Variants in DNAH5 observed in about 807,000 individuals in gnomAD.
DNAH5 encodes the protein axonemal beta dynein heavy chain 5.
A neutral mutation model predicts 518.2 loss-of-function variants in DNAH5; 372 were observed. The observed-to-expected ratio is 0.72, with a 90% CI of 0.66 to 0.78. DNAH5 has a LOEUF of 0.78. Among genes scored for constraint, DNAH5 ranks in the 30% least tolerant of loss-of-function variants. DNAH5 has a pLI of 0.00. For synonymous variants in DNAH5, 2,039 were observed against 2,025.9 expected (o/e 1.01, Z -0.17); for missense variants, 5,523 against 5,687.0 (o/e 0.97, Z 0.93).
intron 1 of DNAH5, among the ~76,000 whole-genome samples, chr5:13,992,532 G>T (rs1474074883): frequency 6.6e-6 from 1 of 152,148 alleles, no homozygotes; most frequent in Non-Finnish European, 1.5e-5. Context: ...GATGTGCTAG[G>T]CCCTGTTTTA....
At chr5:13,718,757 C>T in intron 72 of DNAH5, 125 bp downstream of exon 72, 2 of 794,844 alleles carry the variant, frequency 2.5e-6, no homozygotes, top group East Asian at 5.3e-5. Flanking sequence ...CCATCACCTC[C>T]CCATCAGGTT....
At position 13,753,383 on chromosome 5, in the gene DNAH5, A is replaced by T; in HGVS notation, c.10722T>A (p.Ser3574Arg). ...TTGGCAGACCTTGGAGGTTCCATTC[A>T]CTAATAGTAGGAGCATCAATCAACA... ...SEMLIDAPTI[S>R]EWNLQGLPND... is the part of the protein sequence containing the mutation. The change falls in exon 63 of 79, where the codon AGT becomes AGA. Residue 3574 changes from serine (S) to arginine (R), a missense_variant. Physicochemically the swap from Ser to Arg is moderately radical, Grantham distance 110. Transcript: ENST00000265104. The T allele has an allele frequency of 6.2e-7, 1 of 1,614,104 alleles. No individual in the cohort carries two copies. The highest frequency in any genetic ancestry group is 8.5e-7 in the Non-Finnish European group (1 of 1,179,980).
intron 1 of DNAH5, among the ~76,000 whole-genome samples, chr5:13,966,299 T>C (rs1163088849): frequency 1.3e-5 from 2 of 152,202 alleles, no homozygotes; most frequent in African/African-American, 2.4e-5. Flanking sequence ...TTTTTGCAAT[T>C]GTGAATTGTA....
intron 55 of DNAH5, among the ~76,000 whole-genome samples, chr5:13,772,775 A>AC (rs60499013): frequency 0.77 from 116,838 of 152,058 alleles, 45,083 homozygotes; most frequent in African/African-American, 0.82. Context: ...ATAATGTAAT[A>AC]TTTTATTTTA....
chr5:13,817,772 G>A lies in DNAH5; in HGVS notation c.6842-78C>T, dbSNP rs6889720. 0.38 allele frequency: 547,079 copies of A among 1,426,432 alleles called. 105,877 individuals are homozygous for A. The highest frequency in any genetic ancestry group is 0.57 in the East Asian group (24,958 of 43,862). The allele number at this position is 1,426,432 out of a possible 1,614,324, so 88.4% of individuals were successfully genotyped here. A position where few individuals can be genotyped will look rare whatever the true frequency, so the allele number is the denominator to read the frequency against. On this transcript the variant is annotated intron_variant, in intron 41 of 78. Coordinates refer to ENST00000265104, the MANE Select transcript of DNAH5 (RefSeq NM_001369.3). ...ATTAAGCAACATTGCACTAATTTGT[G>A]GTGTACTGTCAGCAGGTGCTCAAAA...
chr5:13,733,294 A>C (rs955044182), intron 68 of DNAH5, among the ~76,000 whole-genome samples: 2 of 152,232 alleles, frequency 1.3e-5, no homozygotes, highest in African/African-American at 2.4e-5. Context: ...TATGTTTGCT[A>C]TCATGAAGAC....
intron 1 of DNAH5, among the ~76,000 whole-genome samples, chr5:14,004,936 A>T (rs1394346914): frequency 6.6e-6 from 1 of 151,960 alleles, no homozygotes; most frequent in Non-Finnish European, 1.5e-5. Context: ...CTCTTGGCCC[A>T]TCGTGTCCCA....
intron 66 of DNAH5, 78 bp downstream of exon 66, chr5:13,737,174 C>T: frequency 6.3e-7 from 1 of 1,589,448 alleles, no homozygotes; most frequent in Non-Finnish European, 8.6e-7. Flanking sequence ...AACTCCCTCA[C>T]ATCCTTCCAT....
intron 48 of DNAH5, 104 bp from the exon 49 acceptor site, chr5:13,793,832 T>A: frequency 6.4e-7 from 1 of 1,553,844 alleles, no homozygotes; most frequent in Non-Finnish European, 8.7e-7. Context: ...ATTCAGAAAT[T>A]ATATCTTGAA....
chr5:13,944,173 G>T (rs371714700), intron 1 of DNAH5, among the ~76,000 whole-genome samples: 1 of 152,158 alleles, frequency 6.6e-6, no homozygotes, highest in African/African-American at 2.4e-5. Context: ...AAGCGGCAAC[G>T]TGCAGAAAAG....
chr5:13,768,287 T>C (rs1325417141), intron 58 of DNAH5, among the ~76,000 whole-genome samples: 2 of 152,174 alleles, frequency 1.3e-5, no homozygotes, highest in Non-Finnish European at 2.9e-5. Context: ...GGTTTCAAAG[T>C]GGCAGTTTCC....
chr5:13,824,729 T>C (rs1403098906), intron 38 of DNAH5, among the ~76,000 whole-genome samples: 1 of 152,126 alleles, frequency 6.6e-6, no homozygotes, highest in Admixed American at 6.6e-5. Flanking sequence ...CTCATGACTG[T>C]CATATACATA....
intron 1 of DNAH5, among the ~76,000 whole-genome samples, chr5:13,991,287 C>T (rs1162861572): frequency 2.6e-5 from 4 of 152,270 alleles, no homozygotes; most frequent in Admixed American, 2.6e-4. Flanking sequence ...TGAAAGGGAA[C>T]AAATGAAGTC....
chr5:13,767,361 G>A (rs901888045), intron 58 of DNAH5, among the ~76,000 whole-genome samples: 4 of 152,150 alleles, frequency 2.6e-5, no homozygotes, highest in Non-Finnish European at 5.9e-5. Context: ...CTGACATCAG[G>A]TGATCTGCCC....
chr5:13,900,876 T>C (rs1457637703), intron 14 of DNAH5: 1 of 326,690 alleles, frequency 3.1e-6, no homozygotes, highest in Non-Finnish European at 5.7e-6. Flanking sequence ...GATTAACCAG[T>C]TGTACAACAA....
chr5:13,945,162 T>C (rs909910399), upstream of DNAH5, among the ~76,000 whole-genome samples: 2 of 152,248 alleles, frequency 1.3e-5, no homozygotes, highest in Non-Finnish European at 2.9e-5. Flanking sequence ...AGGTAATTTA[T>C]CCTATGTGGC....
chr5:13,940,194 C>T (rs1779336792), intron 1 of DNAH5, among the ~76,000 whole-genome samples: 1 of 152,116 alleles, frequency 6.6e-6, no homozygotes, highest in African/African-American at 2.4e-5. Context: ...CCCGACATTC[C>T]ATCATCCAAA....
rs776487473 is a variant in DNAH5 at position 13,884,974 on chromosome 5, A to G, written c.2983+15T>C. The G allele has an allele frequency of 1.2e-6, 2 of 1,614,124 alleles. No individual in the cohort carries two copies. The highest frequency in any genetic ancestry group is 1.3e-5 in the African/African-American group (1 of 75,072). The stretch of plus-strand genomic sequence containing the variant: ...TGCCTGATCATCCACTAAGCAAACC[A>G]CACAAGATTATTACCCCGGAAGTTA... On this transcript the variant is annotated intron_variant, in intron 19 of 78. Coordinates refer to ENST00000265104, the MANE Select transcript of DNAH5 (RefSeq NM_001369.3).
intron 68 of DNAH5, among the ~76,000 whole-genome samples, chr5:13,732,284 T>C (rs910581016): frequency 3.3e-5 from 5 of 152,156 alleles, no homozygotes; most frequent in Non-Finnish European, 7.4e-5. Flanking sequence ...AGTGATTTGG[T>C]GTCTGGTGAG....
Sources: gnomAD v4.1 joint callset for allele counts (sites outside exome capture counted in the v4.1 genomes callset) on GRCh38, gnomAD v4.1.1 for gene constraint, MANE v1.5 for transcripts, NCBI Gene and HGNC (gene_info 2026-07-23, HGNC 2026-07-21) for gene names.